The following NOL4L variants were observed in gnomAD, a reference collection of about 807,000 sequenced individuals.
NOL4L encodes nucleolar protein 4 like, also known as nucleolar protein 4-like.
NOL4L carries 7 observed loss-of-function variants against 64.5 expected under a neutral mutation model. The ratio of observed to expected loss-of-function variants is 0.11; its 90% confidence interval spans 0.06 to 0.20. NOL4L has a LOEUF of 0.20. Ranked by LOEUF, NOL4L falls within the 10% of genes least tolerant of loss-of-function variation. The pLI, the probability that NOL4L is intolerant of heterozygous loss-of-function variation, is 1.00. For synonymous variants in NOL4L, 413 were observed against 401.0 expected, an observed-to-expected ratio of 1.03 and a Z score of -0.36; for missense variants, 680 against 967.1, an observed-to-expected ratio of 0.70 and a Z score of 3.94.
chr20:32,580,138 C>A (rs1980377088), intron 1 of NOL4L, among the ~76,000 whole-genome samples: 1 of 152,166 alleles, frequency 6.6e-6, no homozygotes, highest in Admixed American at 6.5e-5. Flanking sequence ...TATGCAAGGC[C>A]CTGGCATTGG....
chr20:32,523,047 C>G (rs771714784), intron 2 of NOL4L, among the ~76,000 whole-genome samples: 1 of 152,202 alleles, frequency 6.6e-6, no homozygotes, highest in Non-Finnish European at 1.5e-5. Flanking sequence ...TGCTGCCTGG[C>G]CAGCTGAGGG....
chr20:32,583,356 C>G (rs1980619011), intron 1 of NOL4L, among the ~76,000 whole-genome samples: 1 of 150,474 alleles, frequency 6.6e-6, no homozygotes, highest in African/African-American at 2.4e-5. Flanking sequence ...GACAAGTGCA[C>G]TTTTCGTAAC....
chr20:32,557,450 C>T (rs1488331621), intron 1 of NOL4L, among the ~76,000 whole-genome samples: 1 of 152,246 alleles, frequency 6.6e-6, no homozygotes, highest in Non-Finnish European at 1.5e-5. Flanking sequence ...AAAGTCAGAG[C>T]AGCCCCAGCC....
At chr20:32,561,716 C>G (rs1378597918) in intron 1 of NOL4L, among the ~76,000 whole-genome samples, 1 of 152,200 alleles carries the variant, frequency 6.6e-6, no homozygotes, top group Non-Finnish European at 1.5e-5. Context: ...CAAATCCCAG[C>G]TTTGTCTCTT....
intron 5 of NOL4L, among the ~76,000 whole-genome samples, chr20:32,456,831 T>A (rs2013586179): frequency 2.6e-5 from 4 of 152,174 alleles, no homozygotes. Context: ...GGCACTGCCT[T>A]GCAGCTTCGA....
chr20:32,568,314 A>C (rs542333648), intron 1 of NOL4L, among the ~76,000 whole-genome samples: 4 of 152,282 alleles, frequency 2.6e-5, no homozygotes, highest in Non-Finnish European at 4.4e-5. Flanking sequence ...TAAATGGATA[A>C]ATGAGTGAAT....
intron 4 of NOL4L, among the ~76,000 whole-genome samples, chr20:32,494,121 C>T (rs898761941): frequency 6.6e-6 from 1 of 151,904 alleles, no homozygotes; most frequent in South Asian, 2.1e-4. Flanking sequence ...GGTGTGGTGG[C>T]ACATGCCTGT....
chr20:32,492,053 G>A (rs1412341645), intron 4 of NOL4L, among the ~76,000 whole-genome samples: 1 of 152,240 alleles, frequency 6.6e-6, no homozygotes, highest in Non-Finnish European at 1.5e-5. Flanking sequence ...CAAGGCTGCA[G>A]TGAGCTGTGA....
chr20:32,455,183 T>C (rs1018846564), intron 6 of NOL4L, among the ~76,000 whole-genome samples: 2 of 152,164 alleles, frequency 1.3e-5, no homozygotes, highest in African/African-American at 4.8e-5. Flanking sequence ...CTCATCTCAC[T>C]TCCCTGGGCC....
intron 5 of NOL4L, among the ~76,000 whole-genome samples, chr20:32,459,858 C>G (rs1309730840): frequency 2.6e-5 from 4 of 152,114 alleles, no homozygotes; most frequent in Non-Finnish European, 5.9e-5. Flanking sequence ...TTAAAAACTT[C>G]GACAAGTAAA....
At chr20:32,490,164 T>C (rs1376834040) in intron 4 of NOL4L, among the ~76,000 whole-genome samples, 1 of 146,970 alleles carries the variant, frequency 6.8e-6, no homozygotes, top group Non-Finnish European at 1.5e-5. Flanking sequence ...CACATATATA[T>C]ATGTATATAC....
Position 32,464,914 on chromosome 20 carries a change from G to A in NOL4L, c.842-8519C>T, listed in dbSNP as rs1043864558. 6.6e-6 allele frequency: 3 copies of A among 454,410 alleles called. No individual in the cohort carries two copies. The highest frequency in any genetic ancestry group is 4.1e-5 in the African/African-American group (2 of 48,932). 28.1% of individuals were successfully genotyped at this position (454,410 alleles called of 1,614,324 possible). On this transcript the variant is annotated intron_variant, in intron 5 of 10. Transcript: ENST00000621426. This position sits in a 1 kb window ranked among gnomAD's most constrained non-coding sequence, Gnocchi z 5.6. Reference sequence around the variant, plus strand: ...CTACGGAGCCGCTGAGACGCAGCGTGTATTGCACACCTGTCTGCACTAGCC... The same window carrying A: ...CTACGGAGCCGCTGAGACGCAGCGTATATTGCACACCTGTCTGCACTAGCC...
intron 4 of NOL4L, among the ~76,000 whole-genome samples, chr20:32,504,939 G>A (rs1293936915): frequency 6.6e-6 from 1 of 152,156 alleles, no homozygotes; most frequent in East Asian, 1.9e-4. Flanking sequence ...CACACACATT[G>A]AGCCACAGCA....
chr20:32,483,479 G>A (rs1049746830), intron 4 of NOL4L: 88 of 990,816 alleles, frequency 8.9e-5, no homozygotes, highest in Non-Finnish European at 1.0e-4. Context: ...CGGCTGCCCG[G>A]GGAGAGGGGC....
At chr20:32,468,395 A>G (rs1274403056) in intron 5 of NOL4L, among the ~76,000 whole-genome samples, 1 of 151,912 alleles carries the variant, frequency 6.6e-6, no homozygotes, top group African/African-American at 2.4e-5. Context: ...CTCCCTTCCC[A>G]GCCCCCTGCT....
At chr20:32,545,950 C>CTTT (rs11327665) in intron 1 of NOL4L, among the ~76,000 whole-genome samples, 2 of 133,928 alleles carry the variant, frequency 1.5e-5, no homozygotes, top group Admixed American at 7.3e-5. Context: ...TCTTTCTTTT[C>CTTT]TTTTTTTTTT....
chr20:32,568,311 A>T (rs1210981921), intron 1 of NOL4L, among the ~76,000 whole-genome samples: 3 of 152,202 alleles, frequency 2.0e-5, no homozygotes, highest in African/African-American at 7.2e-5. Context: ...TGCTAAATGG[A>T]TAAATGAGTG....
chr20:32,521,207 C>T (rs894660889), intron 2 of NOL4L, among the ~76,000 whole-genome samples: 3 of 152,224 alleles, frequency 2.0e-5, no homozygotes, highest in African/African-American at 7.2e-5. Flanking sequence ...TAATAAGTAA[C>T]ATTCCTCAGA....
chr20:32,484,636 G>C (rs1018780730), intron 4 of NOL4L, among the ~76,000 whole-genome samples: 2 of 152,044 alleles, frequency 1.3e-5, no homozygotes, highest in South Asian at 2.1e-4. Context: ...CACCGGGCCG[G>C]GTCCTGACGG....
Sources: gnomAD v4.1 joint callset for allele counts (sites outside exome capture counted in the v4.1 genomes callset) on GRCh38, gnomAD v4.1.1 for gene constraint, Gnocchi (gnomAD v3.1) non-coding constraint, MANE v1.5 for transcripts, NCBI Gene and HGNC (gene_info 2026-07-23, HGNC 2026-07-21) for gene names.